Variants in FLT3 observed in about 807,000 individuals in gnomAD.
The protein encoded by FLT3 is receptor-type tyrosine-protein kinase FLT3.
FLT3 carries 46 observed loss-of-function variants against 126.6 expected under a neutral mutation model. The ratio of observed to expected loss-of-function variants is 0.36; its 90% CI spans 0.29 to 0.46. FLT3 has a LOEUF of 0.46. Among genes scored for constraint, FLT3 ranks in the 20% least tolerant of loss-of-function variants. The pLI, the probability that FLT3 is intolerant of heterozygous loss-of-function variation, is 1.00. For missense variants in FLT3, 1,069 were observed against 1,190.3 expected, an observed-to-expected ratio of 0.90 and a Z score of 1.50; for synonymous variants, 404 against 434.4, an observed-to-expected ratio of 0.93 and a Z score of 0.87.
intron 19 of FLT3, 130 bp from the exon 20 acceptor site, chr13:28,018,719 C>A: frequency 3.3e-6 from 3 of 910,896 alleles, no homozygotes. Context: ...TGGGCTGTGC[C>A]GTGAGCGGCC....
intron 4 of FLT3, among the ~76,000 whole-genome samples, chr13:28,054,094 T>A (rs1387601016): frequency 1.3e-5 from 2 of 152,160 alleles, no homozygotes; most frequent in Non-Finnish European, 2.9e-5. Context: ...GTTTCCTTAA[T>A]AACATTCTTA....
At chr13:28,040,164 G>A (rs1292530581) in intron 9 of FLT3, among the ~76,000 whole-genome samples, 3 of 152,176 alleles carry the variant, frequency 2.0e-5, no homozygotes, top group Admixed American at 2.0e-4. Context: ...CAAAAAATTG[G>A]GTTTCTGTTC....
At chr13:28,050,716 G>T (rs1875365692) in intron 5 of FLT3, among the ~76,000 whole-genome samples, 1 of 152,074 alleles carries the variant, frequency 6.6e-6, no homozygotes, top group Admixed American at 6.6e-5. Flanking sequence ...CACAAGGGAA[G>T]TCAGCCAAGA....
intron 21 of FLT3, 136 bp downstream of exon 21, chr13:28,015,454 C>T (rs1871756681): frequency 1.5e-6 from 1 of 676,358 alleles, no homozygotes; most frequent in Admixed American, 2.7e-5. Flanking sequence ...CTAAAGGACA[C>T]CAGCAAATAA....
intron 15 of FLT3, among the ~76,000 whole-genome samples, 200 bp downstream of exon 15, chr13:28,033,687 G>A (rs1428763716): frequency 1.3e-5 from 2 of 152,146 alleles, no homozygotes; most frequent in Non-Finnish European, 2.9e-5. Context: ...GAGAGAAGTG[G>A]AAGAAGAGGT....
chr13:28,047,776 T>C (rs1875032342), intron 9 of FLT3, among the ~76,000 whole-genome samples: 1 of 151,992 alleles, frequency 6.6e-6, no homozygotes, highest in African/African-American at 2.4e-5. Flanking sequence ...AAAAAGAATC[T>C]TGCATAGTTT....
Position 28,015,619 on chromosome 13 carries a change from C to A in FLT3, c.2624G>T (p.Gly875Val). 1.2e-6 allele frequency: 2 copies of A among 1,612,144 alleles called. No homozygotes were observed. Among genetic ancestry groups the A allele is most frequent in the Non-Finnish European group, 1.7e-6 (2 of 1,178,764 alleles). The stretch of plus-strand genomic sequence containing the variant: ...TGAGAAGATTTCCCACAGTAATATT[C>A]CATATGACCAGACATCACTCTTAAT... ...YTIKSDVWSY[G>V]ILLWEIFSLG... Residue 875 changes from glycine (G) to valine (V), a missense_variant, in exon 21 of 24, where the codon GGA becomes GTA. Physicochemically the swap from Gly to Val is moderately radical, Grantham distance 109. Coordinates refer to ENST00000241453, the MANE Select transcript of FLT3 (RefSeq NM_004119.3).
Position 28,065,008 on chromosome 13 carries a change from G to A in FLT3, c.166-2939C>T, listed in dbSNP as rs116986292. ...GTACTATGTAGCTATAAAAAAGAAT[G>A]AAGACAACCTCTAAGAACTGATTTG... On this transcript the variant is annotated intron_variant, in intron 2 of 23. Coordinates refer to ENST00000241453, the MANE Select transcript of FLT3 (RefSeq NM_004119.3). Among the ~76,000 whole-genome samples the A allele has an allele frequency of 4.5e-3, 685 of 152,258 alleles. 9 individuals are homozygous for A. The highest frequency in any genetic ancestry group is 0.032 in the Admixed American group (484 of 15,288).
intron 19 of FLT3, among the ~76,000 whole-genome samples, chr13:28,020,640 C>T (rs1019507956): frequency 2.0e-5 from 3 of 152,304 alleles, no homozygotes; most frequent in East Asian, 1.9e-4. Flanking sequence ...GCCACCCACC[C>T]CCGGCCTCAG....
intron 1 of FLT3, among the ~76,000 whole-genome samples, chr13:28,085,870 C>T (rs1245176412): frequency 1.3e-5 from 2 of 151,984 alleles, no homozygotes; most frequent in East Asian, 1.9e-4. Context: ...CCCAGCACCT[C>T]GGGAGGCCAA....
At chr13:28,039,183 T>G (rs1416078909) in intron 9 of FLT3, among the ~76,000 whole-genome samples, 2 of 152,194 alleles carry the variant, frequency 1.3e-5, no homozygotes, top group Admixed American at 1.3e-4. Flanking sequence ...CAGAATATCA[T>G]GAACAGTATT....
Position 28,034,315 on chromosome 13 carries a change from G to A in FLT3, c.1690C>T (p.His564Tyr), listed in dbSNP as rs2137677270. 1 of 1,613,346 alleles carries A rather than the reference G, an allele frequency of 6.2e-7. No homozygotes were observed. The highest frequency in any genetic ancestry group is 8.5e-7 in the Non-Finnish European group (1 of 1,179,414). ...TTTGCTTTTACCTTTTTGTACTTGT[G>A]ACAAATTAGCAGGGTTAAAACGACA... ...FIVVLTLLIC[H>Y]KYKKQFRYES... is the part of the protein sequence containing the mutation. The change falls in exon 13 of 24, where the codon CAC becomes TAC. Residue 564 changes from histidine to tyrosine, a missense_variant. Physicochemically the swap from His to Tyr is moderately conservative, Grantham distance 83. Transcript: ENST00000241453.
intron 9 of FLT3, among the ~76,000 whole-genome samples, chr13:28,047,826 A>T (rs1875038419): frequency 6.6e-6 from 1 of 152,186 alleles, no homozygotes; most frequent in African/African-American, 2.4e-5. Context: ...TTCCTTCAGC[A>T]CTTACTATTG....
At position 28,048,398 on chromosome 13, in the gene FLT3, A is replaced by G. The variant is rs1235446603; in HGVS notation, c.1082T>C (p.Ile361Thr). 1.2e-6 allele frequency: 2 copies of G among 1,611,348 alleles called. No individual in the cohort carries two copies. The highest frequency in any genetic ancestry group is 3.3e-5 in the Admixed American group (2 of 60,012). Residue 361 changes from isoleucine to threonine, a missense_variant, in exon 9 of 24, where the codon ATT becomes ACT. Coordinates refer to ENST00000241453, the MANE Select transcript of FLT3 (RefSeq NM_004119.3). ...NATNSSEDYEIDQYEEFCFSV... is the reference protein window; with the variant it reads ...NATNSSEDYETDQYEEFCFSV... ...AAAACAAAACTCTTCATATTGGTCA[A>G]TTTCATAATCTTCACTTGAATTGGT...
intron 9 of FLT3, among the ~76,000 whole-genome samples, chr13:28,044,689 T>G (rs1189939351): frequency 6.6e-6 from 1 of 152,200 alleles, no homozygotes; most frequent in African/African-American, 2.4e-5. Flanking sequence ...CCATAACACC[T>G]GGTACATTAT....
chr13:28,089,490 C>T (rs1281474828), intron 1 of FLT3, among the ~76,000 whole-genome samples: 1 of 152,022 alleles, frequency 6.6e-6, no homozygotes, highest in Non-Finnish European at 1.5e-5. Context: ...GATAAACAAA[C>T]TGAGGCCTAT....
At chr13:28,019,373 G>C (rs1023504950) in intron 19 of FLT3, among the ~76,000 whole-genome samples, 4 of 152,178 alleles carry the variant, frequency 2.6e-5, no homozygotes, top group African/African-American at 9.7e-5. Context: ...GAGGTTTACT[G>C]AACTGGAATT....
chr13:28,044,078 G>A (rs888550084), intron 9 of FLT3, among the ~76,000 whole-genome samples: 4 of 151,370 alleles, frequency 2.6e-5, no homozygotes, highest in Admixed American at 1.3e-4. Flanking sequence ...GCCAGGAGGA[G>A]GAGGTTGCAG....
rs1870644117 is a variant in FLT3, at chr13:28,003,827, A to T, written c.*225T>A. ...GGCCTTGGATGCAGATCAATGCTCC[A>T]ATAAAGTTCATTATCAGCTCCTCCT... is the stretch of plus-strand genomic sequence containing the variant. On this transcript the variant is annotated 3_prime_UTR_variant, in exon 24 of 24. Transcript: ENST00000241453. The T allele has an allele frequency of 1.8e-6, 1 of 561,882 alleles. No homozygotes were observed. The highest frequency in any genetic ancestry group is 3.1e-5 in the Admixed American group (1 of 32,682). 34.8% of individuals were successfully genotyped at this position (561,882 alleles called of 1,614,324 possible). A position where few individuals can be genotyped will look rare whatever the true frequency, so the allele number is the denominator to read the frequency against.
Sources: gnomAD v4.1 joint callset for allele counts (sites outside exome capture counted in the v4.1 genomes callset) on GRCh38, gnomAD v4.1.1 for gene constraint, MANE v1.5 for transcripts, NCBI Gene and HGNC (gene_info 2026-07-23, HGNC 2026-07-21) for gene names.